PCDH9: variants seen among roughly 807,000 people sequenced by gnomAD.
PCDH9 encodes the protein protocadherin-9.
In PCDH9, 24 loss-of-function variants were observed where a neutral mutation model predicts 70.6. The observed-to-expected ratio is 0.34, with a 90% CI of 0.25 to 0.48. The LOEUF is 0.48. Ranked by LOEUF, PCDH9 falls within the 20% of genes least tolerant of loss-of-function variation. PCDH9 has a pLI of 0.99. For synonymous variants in PCDH9, 562 were observed against 558.5 expected (o/e 1.01, Z -0.09); for missense variants, 1,281 against 1,503.6 (o/e 0.85, Z 2.45).
chr13:66,489,295 G>C (rs1039099322), intron 4 of PCDH9, among the ~76,000 whole-genome samples: 1 of 151,982 alleles, frequency 6.6e-6, no homozygotes, highest in Non-Finnish European at 1.5e-5. Flanking sequence ...TGGGGTTTTT[G>C]CCCTTTGTTC....
chr13:66,377,606 G>A (rs1467980690), intron 4 of PCDH9, among the ~76,000 whole-genome samples: 1 of 152,172 alleles, frequency 6.6e-6, no homozygotes, highest in Non-Finnish European at 1.5e-5. Flanking sequence ...CCCAGAGTCT[G>A]CTGGAGTCAA....
intron 2 of PCDH9, among the ~76,000 whole-genome samples, chr13:67,112,192 C>T (rs1326232907): frequency 6.6e-6 from 1 of 152,160 alleles, no homozygotes; most frequent in African/African-American, 2.4e-5. Context: ...TTGTTAATAC[C>T]ATTTCCATCA....
intron 4 of PCDH9, among the ~76,000 whole-genome samples, chr13:66,491,723 A>G (rs1401519327): frequency 6.6e-6 from 1 of 152,130 alleles, no homozygotes; most frequent in Non-Finnish European, 1.5e-5. Flanking sequence ...TTAACATAGC[A>G]TATGTGTTTT....
Position 66,840,093 on chromosome 13 carries a change from G to A in PCDH9, c.3138+63411C>T, listed in dbSNP as rs114184065. On this transcript the variant is annotated intron_variant, in intron 3 of 4. Coordinates refer to ENST00000377865, the MANE Select transcript of PCDH9 (RefSeq NM_203487.3). The stretch of plus-strand genomic sequence containing the variant: ...ATTCCCTTAGCCCTTGTGGTGCTCT[G>A]TTCACACCATCTCTTCCCACAATAG... Among the ~76,000 whole-genome samples the A allele has an allele frequency of 3.4e-3, 523 of 152,018 alleles. 2 individuals carry two copies. The highest frequency in any genetic ancestry group is 0.011 in the African/African-American group (455 of 41,426).
intron 4 of PCDH9, among the ~76,000 whole-genome samples, chr13:66,429,430 G>GTTTT (rs5804281): frequency 0.35 from 50,099 of 144,758 alleles, 9,250 homozygotes; most frequent in South Asian, 0.49. Flanking sequence ...TATTTTTTCT[G>GTTTT]TTTTTTTTTT....
intron 3 of PCDH9, among the ~76,000 whole-genome samples, chr13:66,844,251 TAAGAC>T (rs2081166215): frequency 6.6e-6 from 1 of 152,010 alleles, no homozygotes; most frequent in Non-Finnish European, 1.5e-5. Context: ...TTCAGAGAAA[TAAGAC>T]AAGAATATAC....
At chr13:66,591,480 A>G (rs942698800) in intron 4 of PCDH9, among the ~76,000 whole-genome samples, 2 of 151,650 alleles carry the variant, frequency 1.3e-5, no homozygotes, top group African/African-American at 2.4e-5. Context: ...AAACAAAAAA[A>G]AAAGCTAAGA....
chr13:66,962,202 G>T (rs762873200), intron 2 of PCDH9, among the ~76,000 whole-genome samples: 1 of 152,180 alleles, frequency 6.6e-6, no homozygotes, highest in African/African-American at 2.4e-5. Flanking sequence ...GATCTTTGAT[G>T]AATAAAGTTT....
chr13:66,355,044 T>C (rs1349888362), intron 4 of PCDH9, among the ~76,000 whole-genome samples: 4 of 152,152 alleles, frequency 2.6e-5, no homozygotes, highest in Non-Finnish European at 5.9e-5. Context: ...GGTCGGTCCA[T>C]GGATCACACT....
chr13:66,440,703 T>G (rs112605447), intron 4 of PCDH9, among the ~76,000 whole-genome samples: 174 of 152,248 alleles, frequency 1.1e-3, no homozygotes, highest in South Asian at 2.5e-3. Context: ...TAAACCCTGT[T>G]GCATTTCTTC....
At chr13:66,656,878 A>G (rs2077938129) in intron 3 of PCDH9, among the ~76,000 whole-genome samples, 1 of 152,214 alleles carries the variant, frequency 6.6e-6, no homozygotes, top group Non-Finnish European at 1.5e-5. Flanking sequence ...GTGGATTCCA[A>G]GACGCTTGCT....
At chr13:66,880,547 T>G (rs1331858000) in intron 3 of PCDH9, among the ~76,000 whole-genome samples, 1 of 152,058 alleles carries the variant, frequency 6.6e-6, no homozygotes, top group Non-Finnish European at 1.5e-5. Context: ...AGCTTACATT[T>G]AAAGAAAAAA....
At chr13:66,414,165 C>T (rs1448983224) in intron 4 of PCDH9, among the ~76,000 whole-genome samples, 1 of 152,150 alleles carries the variant, frequency 6.6e-6, no homozygotes, top group Non-Finnish European at 1.5e-5. Flanking sequence ...TCTCCTAACA[C>T]TTTAAATTTC....
intron 4 of PCDH9, among the ~76,000 whole-genome samples, chr13:66,526,891 C>T (rs77303260): frequency 0.12 from 17,606 of 152,184 alleles, 1,226 homozygotes; most frequent in Middle Eastern, 0.22. Context: ...AGCAAAAGTG[C>T]ATAAAAGTAC....
chr13:66,943,949 A>G (rs1246874498), intron 2 of PCDH9, among the ~76,000 whole-genome samples: 1 of 152,028 alleles, frequency 6.6e-6, no homozygotes, highest in Non-Finnish European at 1.5e-5. Flanking sequence ...CCCTGGCTCT[A>G]CCTCTTAAAA....
At chr13:66,479,002 C>T (rs1424709840) in intron 4 of PCDH9, among the ~76,000 whole-genome samples, 1 of 152,158 alleles carries the variant, frequency 6.6e-6, no homozygotes, top group African/African-American at 2.4e-5. Context: ...CAGGTTAACT[C>T]TCTTATTAGG....
chr13:66,888,364 T>A (rs1424024681), intron 3 of PCDH9, among the ~76,000 whole-genome samples: 1 of 151,762 alleles, frequency 6.6e-6, no homozygotes, highest in African/African-American at 2.4e-5. Context: ...TAGCTGGGTG[T>A]GGTGGAACAA....
intron 3 of PCDH9, among the ~76,000 whole-genome samples, chr13:66,841,118 T>A (rs1383712048): frequency 6.6e-6 from 1 of 152,212 alleles, no homozygotes; most frequent in Admixed American, 6.5e-5. Flanking sequence ...ATAAATGTGA[T>A]TAAATCTAAG....
intron 2 of PCDH9, among the ~76,000 whole-genome samples, chr13:67,044,056 A>G (rs920765709): frequency 3.3e-5 from 5 of 152,068 alleles, no homozygotes; most frequent in African/African-American, 1.2e-4. Flanking sequence ...AACTCATTTT[A>G]ACAACATTCC....
Sources: allele counts gnomAD v4.1 joint callset (sites outside exome capture counted in the v4.1 genomes callset), GRCh38; gene constraint gnomAD v4.1.1; transcripts MANE v1.5; gene names NCBI Gene and HGNC (gene_info 2026-07-23, HGNC 2026-07-21).